Variants in SNX24 observed in about 807,000 individuals in gnomAD.
The protein encoded by SNX24 is sorting nexin 24, also known as sorting nexin-24.
A neutral mutation model predicts 28.7 loss-of-function variants in SNX24; 22 were observed. The ratio of observed to expected loss-of-function variants is 0.77; its 90% CI spans 0.55 to 1.10. SNX24 has a LOEUF of 1.10. Ranked by LOEUF, SNX24 falls within the 50% of genes least tolerant of loss-of-function variation. SNX24 has a pLI of 0.00. For synonymous variants in SNX24, 69 were observed against 71.5 expected (o/e 0.96, Z 0.18); for missense variants, 221 against 201.1 (o/e 1.10, Z -0.60).
rs554461844 is a variant in SNX24, at chr5:122,975,414, A to G, written c.250-24498A>G. On this transcript the variant is annotated intron_variant, in intron 3 of 6. Coordinates refer to ENST00000261369, the MANE Select transcript of SNX24 (RefSeq NM_014035.4). ...GCTTGGAACATAATCCTATATTTCA[A>G]TGAGTCATGTCTGCATGATTTCATT... Among the ~76,000 whole-genome samples the G allele has an allele frequency of 1.9e-4, 29 of 152,194 alleles. No individual in the cohort carries two copies. In the South Asian group the frequency reaches 5.8e-3, roughly 31 times the overall value.
chr5:123,026,832 G>C (rs1005665363), intron 5 of SNX24, among the ~76,000 whole-genome samples: 1 of 152,220 alleles, frequency 6.6e-6, no homozygotes, highest in East Asian at 1.9e-4. Flanking sequence ...GGTCTACCAG[G>C]CCCACCTCCC....
intron 1 of SNX24, among the ~76,000 whole-genome samples, chr5:122,847,170 C>T (rs576801624): frequency 2.6e-5 from 4 of 152,200 alleles, no homozygotes; most frequent in South Asian, 2.1e-4. Flanking sequence ...TTGATCTTAC[C>T]GGTTCAAGCT....
chr5:122,999,873 C>G, intron 3 of SNX24, 39 bp from the exon 4 acceptor site: 6,204 of 1,101,996 alleles, frequency 5.6e-3, no homozygotes, highest in Non-Finnish European at 7.9e-3. Flanking sequence ...ACCTAGCAAA[C>G]TTCACTTCAG....
chr5:122,873,406 A>G (rs1056535650), intron 1 of SNX24, among the ~76,000 whole-genome samples: 22 of 152,168 alleles, frequency 1.4e-4, no homozygotes, highest in African/African-American at 5.3e-4. Context: ...GGAGGCAGGC[A>G]GTCTGTTTAA....
Position 122,880,971 on chromosome 5 carries a change from C to A in SNX24, c.60+35278C>A, listed in dbSNP as rs570823947. Among the ~76,000 whole-genome samples the A allele has an allele frequency of 3.6e-3, 544 of 152,318 alleles. 4 individuals carry two copies. Among genetic ancestry groups the A allele is most frequent in the African/African-American group, 0.012 (503 of 41,558 alleles). ...GTTGCAAATGGGCCTGCCCCCAAAG[C>A]CCTGAAACACATTCTGTGGTATCTG... On this transcript the variant is annotated intron_variant, in intron 1 of 6. Transcript: ENST00000261369.
intron 1 of SNX24, among the ~76,000 whole-genome samples, chr5:122,846,619 A>G (rs998884783): frequency 1.3e-5 from 2 of 152,170 alleles, no homozygotes; most frequent in African/African-American, 4.8e-5. Flanking sequence ...CCTCCTCTAA[A>G]TATTACTGGT....
chr5:122,900,017 G>GC (rs924720267), intron 1 of SNX24, among the ~76,000 whole-genome samples: 8 of 150,724 alleles, frequency 5.3e-5, no homozygotes, highest in Admixed American at 1.3e-4. Flanking sequence ...TATGGTGTGG[G>GC]TTTTTTTTTG....
intron 1 of SNX24, among the ~76,000 whole-genome samples, chr5:122,886,971 A>T (rs868807167): frequency 1.4e-4 from 21 of 152,126 alleles, no homozygotes; most frequent in Non-Finnish European, 2.4e-4. Flanking sequence ...TTTTTAATTT[A>T]AAAAAAGTTA....
At chr5:122,934,612 C>T (rs1317564856) in intron 1 of SNX24, among the ~76,000 whole-genome samples, 3 of 152,166 alleles carry the variant, frequency 2.0e-5, no homozygotes, top group East Asian at 3.9e-4. Context: ...CCTGCCTCGG[C>T]CTCGCAAAGT....
chr5:123,010,035 C>T (rs1762541190), downstream of SNX24, among the ~76,000 whole-genome samples: 1 of 152,214 alleles, frequency 6.6e-6, no homozygotes, highest in Non-Finnish European at 1.5e-5. Flanking sequence ...GAGGTGCGGC[C>T]TCATAGCAGC....
At chr5:122,979,834 G>T (rs1169052210) in intron 3 of SNX24, among the ~76,000 whole-genome samples, 2 of 152,158 alleles carry the variant, frequency 1.3e-5, no homozygotes, top group African/African-American at 2.4e-5. Context: ...ACCTTTCCAT[G>T]TTTACCAGTT....
intron 1 of SNX24, among the ~76,000 whole-genome samples, chr5:122,864,424 C>T (rs557151489): frequency 6.6e-6 from 1 of 152,198 alleles, no homozygotes; most frequent in Admixed American, 6.5e-5. Flanking sequence ...TAGGCTGAGC[C>T]GATTTATCAA....
At chr5:122,854,424 C>T (rs1339889682) in intron 1 of SNX24, among the ~76,000 whole-genome samples, 7 of 151,240 alleles carry the variant, frequency 4.6e-5, no homozygotes, top group African/African-American at 4.9e-5. Context: ...AGGAGAATGG[C>T]GTGAACCCGG....
intron 1 of SNX24, among the ~76,000 whole-genome samples, chr5:122,904,592 C>T (rs1036500021): frequency 5.3e-5 from 8 of 152,106 alleles, no homozygotes; most frequent in African/African-American, 1.9e-4. Context: ...TCTGTAATTA[C>T]ATGATCCCAG....
At chr5:122,927,685 G>A (rs1224789554) in intron 1 of SNX24, among the ~76,000 whole-genome samples, 1 of 152,180 alleles carries the variant, frequency 6.6e-6, no homozygotes. Flanking sequence ...TTGCTGAAAT[G>A]ATAAAACCAT....
At chr5:122,928,613 A>C (rs1434334792) in intron 1 of SNX24, among the ~76,000 whole-genome samples, 1 of 151,976 alleles carries the variant, frequency 6.6e-6, no homozygotes, top group Non-Finnish European at 1.5e-5. Context: ...AACAGCTAGC[A>C]AAAAGGTGGG....
chr5:122,851,553 A>G (rs1400783220), intron 1 of SNX24, among the ~76,000 whole-genome samples: 1 of 152,214 alleles, frequency 6.6e-6, no homozygotes. Context: ...TGCATGTGTT[A>G]TGCGTAGACA....
intron 1 of SNX24, among the ~76,000 whole-genome samples, chr5:122,871,115 C>G (rs373294877): frequency 2.6e-5 from 4 of 152,108 alleles, no homozygotes; most frequent in African/African-American, 9.7e-5. Context: ...CTCCAGGATG[C>G]TTTTGGAGTT....
At chr5:122,854,899 T>G (rs1212412809) in intron 1 of SNX24, among the ~76,000 whole-genome samples, 1 of 152,190 alleles carries the variant, frequency 6.6e-6, no homozygotes, top group Non-Finnish European at 1.5e-5. Flanking sequence ...TGCAGTAGCA[T>G]TATGTCTAAA....
Sources: allele counts gnomAD v4.1 joint callset (sites outside exome capture counted in the v4.1 genomes callset), GRCh38; gene constraint gnomAD v4.1.1; transcripts MANE v1.5; gene names NCBI Gene and HGNC (gene_info 2026-07-23, HGNC 2026-07-21).